The following CTNNBL1 variants were observed in gnomAD, a reference collection of about 807,000 sequenced individuals.
CTNNBL1 encodes the protein catenin beta like 1, also known as beta-catenin-like protein 1.
Under a neutral mutation model 72.7 loss-of-function variants are expected in CTNNBL1, and 31 were observed. The ratio of observed to expected loss-of-function variants is 0.43; its 90% CI spans 0.32 to 0.58. The LOEUF is 0.58. Among genes scored for constraint, CTNNBL1 ranks in the 20% least tolerant of loss-of-function variants. The probability of loss-of-function intolerance (pLI) is 0.08; values close to 1 mark genes in which losing one functional copy is unlikely to be tolerated. For synonymous variants in CTNNBL1, 240 were observed against 267.3 expected (o/e 0.90, Z 1.00); for missense variants, 534 against 725.1 (o/e 0.74, Z 3.03).
chr20:37,726,330 T>C (rs1445776172), intron 1 of CTNNBL1, among the ~76,000 whole-genome samples: 1 of 152,230 alleles, frequency 6.6e-6, no homozygotes, highest in Admixed American at 6.5e-5. Flanking sequence ...TAATAGTAGC[T>C]TTGTTTACTT....
chr20:37,859,374 A>G (rs1007409389), intron 13 of CTNNBL1, among the ~76,000 whole-genome samples: 3 of 151,386 alleles, frequency 2.0e-5, no homozygotes, highest in African/African-American at 7.3e-5. Flanking sequence ...AAAAAAAAAG[A>G]AAAGAAAATG....
Position 37,783,424 on chromosome 20 carries a change from C to G in CTNNBL1, c.1031+4089C>G, listed in dbSNP as rs550608449. Among the ~76,000 whole-genome samples the G allele has an allele frequency of 1.5e-3, 224 of 151,978 alleles. 1 individual carries two copies. Among genetic ancestry groups the G allele is most frequent in the Middle Eastern group, 6.8e-3 (2 of 294 alleles). On this transcript the variant is annotated intron_variant, in intron 10 of 15. Transcript: ENST00000361383. ...TAATTATGGGTTTGGTTGGCTCTTACTTTTCTAATTCTTTAAGATGTATTG... is the reference window on the plus strand; with the variant it reads ...TAATTATGGGTTTGGTTGGCTCTTAGTTTTCTAATTCTTTAAGATGTATTG...
intron 13 of CTNNBL1, among the ~76,000 whole-genome samples, chr20:37,853,802 G>A (rs944640574): frequency 2.6e-5 from 4 of 152,150 alleles, no homozygotes; most frequent in Non-Finnish European, 5.9e-5. Context: ...TAAACACTGA[G>A]TACACATTTA....
At chr20:37,795,797 T>C (rs1244945978) in intron 10 of CTNNBL1, among the ~76,000 whole-genome samples, 6 of 152,238 alleles carry the variant, frequency 3.9e-5, no homozygotes, top group African/African-American at 1.2e-4. Flanking sequence ...TTATTTTTAC[T>C]GATGATTTTT....
chr20:37,726,538 T>A (rs1018729351), intron 1 of CTNNBL1, among the ~76,000 whole-genome samples: 2 of 152,184 alleles, frequency 1.3e-5, no homozygotes, highest in African/African-American at 4.8e-5. Context: ...AGATTATCTC[T>A]TTCTCCTAGC....
intron 13 of CTNNBL1, among the ~76,000 whole-genome samples, chr20:37,850,946 G>GA (rs2083406742): frequency 6.6e-6 from 1 of 152,212 alleles, no homozygotes; most frequent in Non-Finnish European, 1.5e-5. Flanking sequence ...GGGCAGATTA[G>GA]AAATGACATC....
chr20:37,758,015 C>A (rs761962267), intron 5 of CTNNBL1, among the ~76,000 whole-genome samples: 3 of 152,182 alleles, frequency 2.0e-5, no homozygotes, highest in Admixed American at 6.5e-5. Context: ...AGGATTTGAA[C>A]CTGTGGTCTC....
chr20:37,745,024 A>T (rs974259076), intron 3 of CTNNBL1, among the ~76,000 whole-genome samples: 3 of 152,238 alleles, frequency 2.0e-5, no homozygotes, highest in African/African-American at 7.2e-5. Flanking sequence ...ATTTTTGGTT[A>T]GTAGGCTTAT....
At chr20:37,733,107 C>T (rs760493125) in intron 2 of CTNNBL1, 40 bp downstream of exon 2, 2 of 1,583,076 alleles carry the variant, frequency 1.3e-6, no homozygotes, top group Non-Finnish European at 1.7e-6. Context: ...GATGGCTGGC[C>T]CTGTAAAACG....
chr20:37,823,311 C>T (rs2072127187), intron 11 of CTNNBL1, among the ~76,000 whole-genome samples: 1 of 152,200 alleles, frequency 6.6e-6, no homozygotes, highest in African/African-American at 2.4e-5. Flanking sequence ...TCCTCCTGTC[C>T]TCTAACTGCC....
intron 13 of CTNNBL1, among the ~76,000 whole-genome samples, chr20:37,843,512 G>A (rs893817438): frequency 1.3e-5 from 2 of 152,194 alleles, no homozygotes; most frequent in Non-Finnish European, 2.9e-5. Flanking sequence ...TATCTGTCCT[G>A]TTTCTCTTTG....
At chr20:37,830,149 A>G (rs908662232) in intron 11 of CTNNBL1, among the ~76,000 whole-genome samples, 1 of 152,000 alleles carries the variant, frequency 6.6e-6, no homozygotes, top group Non-Finnish European at 1.5e-5. Flanking sequence ...AAATTTTAAC[A>G]GCTTTATTGA....
At chr20:37,859,758 G>A (rs767107935) in intron 13 of CTNNBL1, 141 bp from the exon 14 acceptor site, 214 of 795,046 alleles carry the variant, frequency 2.7e-4, no homozygotes, top group Non-Finnish European at 4.1e-4. Context: ...GGGAGATGTA[G>A]ACAAATCAAA....
chr20:37,756,700 C>T (rs772652338), intron 4 of CTNNBL1, among the ~76,000 whole-genome samples: 2 of 146,086 alleles, frequency 1.4e-5, no homozygotes, highest in South Asian at 2.2e-4. Context: ...TGCAGTGACA[C>T]GATCATAGCT....
chr20:37,734,287 G>A (rs776903320), intron 2 of CTNNBL1, among the ~76,000 whole-genome samples: 1 of 152,178 alleles, frequency 6.6e-6, no homozygotes, highest in Non-Finnish European at 1.5e-5. Flanking sequence ...AAAGATGATG[G>A]CACTTTAGAA....
intron 10 of CTNNBL1, among the ~76,000 whole-genome samples, chr20:37,795,073 G>A (rs1042358072): frequency 1.3e-5 from 2 of 150,548 alleles, no homozygotes; most frequent in African/African-American, 2.4e-5. Flanking sequence ...TTTGAGGTTC[G>A]TTGAGCTACT....
chr20:37,721,366 C>T lies in CTNNBL1; in HGVS notation c.31-11513C>T, dbSNP rs1243693077. Among the ~76,000 whole-genome samples the T allele has an allele frequency of 4.6e-5, 7 of 152,214 alleles. No homozygotes were observed. The East Asian group carries it at 1.3e-3, about 29-fold the overall frequency. On this transcript the variant is annotated intron_variant, in intron 1 of 15. Coordinates refer to ENST00000361383, the MANE Select transcript of CTNNBL1 (RefSeq NM_030877.5). Reference sequence around the variant, plus strand: ...ATTAAAGCTGGTTATCCTGTTGACTCATTGAATAACTCTGTGAGAGATCTT... The same window carrying T: ...ATTAAAGCTGGTTATCCTGTTGACTTATTGAATAACTCTGTGAGAGATCTT...
chr20:37,736,855 G>C (rs1346884503), intron 2 of CTNNBL1, among the ~76,000 whole-genome samples: 1 of 152,090 alleles, frequency 6.6e-6, no homozygotes, highest in Non-Finnish European at 1.5e-5. Context: ...CATTGTGTGA[G>C]ACACCCAATG....
intron 15 of CTNNBL1, among the ~76,000 whole-genome samples, chr20:37,863,046 C>T (rs1294071865): frequency 6.6e-6 from 1 of 152,158 alleles, no homozygotes; most frequent in Non-Finnish European, 1.5e-5. Flanking sequence ...CAGAGCAATG[C>T]CAAGCAAATA....
Sources: gnomAD v4.1 joint callset for allele counts (sites outside exome capture counted in the v4.1 genomes callset) on GRCh38, gnomAD v4.1.1 for gene constraint, MANE v1.5 for transcripts, NCBI Gene and HGNC (gene_info 2026-07-23, HGNC 2026-07-21) for gene names.